NRG3: variants seen among roughly 807,000 people sequenced by gnomAD.
NRG3 encodes the protein pro-neuregulin-3, membrane-bound isoform.
In NRG3, 31 loss-of-function variants were observed where a neutral mutation model predicts 66.9. That is an observed-to-expected ratio of 0.46 (90% CI 0.35 to 0.63). The LOEUF is 0.63. NRG3 is among the 20% of genes least tolerant of loss of function. The pLI is 0.00. For missense variants in NRG3, 910 were observed against 878.9 expected, an observed-to-expected ratio of 1.04 and a Z score of -0.45; for synonymous variants, 393 against 359.4, an observed-to-expected ratio of 1.09 and a Z score of -1.06.
At chr10:82,402,531 G>C (rs551223370) in intron 2 of NRG3, among the ~76,000 whole-genome samples, 1 of 152,100 alleles carries the variant, frequency 6.6e-6, no homozygotes, top group East Asian at 1.9e-4. Flanking sequence ...CAGATGGTAC[G>C]ACTTTAGAAC....
chr10:82,187,518 C>T (rs915140226), intron 1 of NRG3, among the ~76,000 whole-genome samples: 4 of 151,980 alleles, frequency 2.6e-5, no homozygotes, highest in African/African-American at 9.7e-5. Context: ...ATTATTTGTT[C>T]TTTGAGGGAG....
chr10:82,373,449 C>T (rs1293064286), intron 2 of NRG3, among the ~76,000 whole-genome samples: 2 of 152,196 alleles, frequency 1.3e-5, no homozygotes, highest in Non-Finnish European at 2.9e-5. Flanking sequence ...CCTGGCCTCC[C>T]TGGAGTCCTC....
intron 2 of NRG3, among the ~76,000 whole-genome samples, chr10:82,393,981 C>T (rs2086557537): frequency 6.6e-6 from 1 of 152,048 alleles, no homozygotes; most frequent in Non-Finnish European, 1.5e-5. Context: ...TTCCAATATC[C>T]TATGTATAAT....
chr10:82,223,645 AC>A (rs1564681044), intron 1 of NRG3, among the ~76,000 whole-genome samples: 54 of 38,898 alleles, frequency 1.4e-3, no homozygotes, highest in African/African-American at 2.7e-3. Flanking sequence ...CACCCCAAAC[AC>A]ACACACACAC....
chr10:82,894,264 G>A (rs1296158779), intron 4 of NRG3, among the ~76,000 whole-genome samples: 1 of 152,046 alleles, frequency 6.6e-6, no homozygotes, highest in Non-Finnish European at 1.5e-5. Context: ...TGTACTAGGT[G>A]TAAATCACCA....
At chr10:82,431,886 G>C (rs955417889) in intron 2 of NRG3, among the ~76,000 whole-genome samples, 1 of 152,052 alleles carries the variant, frequency 6.6e-6, no homozygotes, top group African/African-American at 2.4e-5. Flanking sequence ...AAAGAAATGG[G>C]CATTCCTCCA....
At chr10:82,194,400 T>C (rs1589272795) in intron 1 of NRG3, among the ~76,000 whole-genome samples, 1 of 151,856 alleles carries the variant, frequency 6.6e-6, no homozygotes, top group Non-Finnish European at 1.5e-5. Context: ...AGGTGGGAGG[T>C]GGAGTGCTTT....
intron 2 of NRG3, among the ~76,000 whole-genome samples, chr10:82,668,601 G>A (rs2052991082): frequency 1.3e-5 from 2 of 152,074 alleles, no homozygotes; most frequent in Admixed American, 1.3e-4. Context: ...ATTAGGAATG[G>A]CCAGAGCAAA....
chr10:82,858,882 G>A (rs1591749758), intron 3 of NRG3, among the ~76,000 whole-genome samples: 1 of 151,986 alleles, frequency 6.6e-6, no homozygotes, highest in East Asian at 1.9e-4. Context: ...ACATACCTAG[G>A]AGGGAATTGG....
In NRG3 at chr10:82,854,190, A is replaced by G. The variant is rs1369210287; in HGVS notation, c.1028-11221A>G. 3.3e-5 allele frequency among the ~76,000 whole-genome samples: 5 copies of G among 152,340 alleles called. No individual in the cohort carries two copies. In the South Asian group the frequency reaches 8.3e-4, roughly 25 times the overall value. ...CCAAGGCATAATAATTCTACATGCTAAATGGAGATCCCATCATCATTCATA... is the reference window on the plus strand; with the variant it reads ...CCAAGGCATAATAATTCTACATGCTGAATGGAGATCCCATCATCATTCATA... On this transcript the variant is annotated intron_variant, in intron 3 of 8. Transcript: ENST00000372141.
intron 8 of NRG3, among the ~76,000 whole-genome samples, chr10:82,984,271 G>A (rs2132697508): frequency 6.6e-6 from 1 of 152,308 alleles, no homozygotes; most frequent in South Asian, 2.1e-4. Flanking sequence ...AGGCAAGAAG[G>A]GAACTTAGAA....
intron 1 of NRG3, among the ~76,000 whole-genome samples, chr10:82,050,767 C>T (rs2063553923): frequency 6.6e-6 from 1 of 151,954 alleles, no homozygotes; most frequent in Non-Finnish European, 1.5e-5. Flanking sequence ...CTCCTCCCAT[C>T]TCTACCCCTT....
At chr10:82,976,103 T>C (rs1852225755) in intron 7 of NRG3, among the ~76,000 whole-genome samples, 1 of 152,188 alleles carries the variant, frequency 6.6e-6, no homozygotes. Flanking sequence ...TCACCCAGGC[T>C]GGAGTGCAGT....
At chr10:82,483,847 A>G (rs1842476028) in intron 2 of NRG3, among the ~76,000 whole-genome samples, 1 of 152,192 alleles carries the variant, frequency 6.6e-6, no homozygotes, top group Non-Finnish European at 1.5e-5. Context: ...GGCACAAACA[A>G]GGGTTTGGAA....
chr10:82,967,503 C>G (rs1851319241), intron 6 of NRG3, among the ~76,000 whole-genome samples: 1 of 152,140 alleles, frequency 6.6e-6, no homozygotes. Flanking sequence ...TATACCATAC[C>G]TTTGCACTGT....
chr10:82,454,186 T>C (rs957348088), intron 2 of NRG3, among the ~76,000 whole-genome samples: 1 of 152,210 alleles, frequency 6.6e-6, no homozygotes, highest in Non-Finnish European at 1.5e-5. Flanking sequence ...TTCCTCACAG[T>C]GCTAGTGGAG....
At chr10:81,934,245 C>G (rs1884360) in intron 1 of NRG3, among the ~76,000 whole-genome samples, 77,792 of 152,038 alleles carry the variant, frequency 0.51, 24,537 homozygotes, top group African/African-American at 0.86. Context: ...ATGAAATCTT[C>G]AGTCAACATT....
intron 4 of NRG3, among the ~76,000 whole-genome samples, chr10:82,939,564 G>A (rs1269057277): frequency 2.6e-5 from 4 of 151,832 alleles, no homozygotes; most frequent in South Asian, 4.2e-4. Context: ...CCGCCTCCCG[G>A]GTTCACGCCT....
chr10:82,139,466 T>C (rs945539314), intron 1 of NRG3, among the ~76,000 whole-genome samples: 4 of 152,202 alleles, frequency 2.6e-5, no homozygotes, highest in Non-Finnish European at 5.9e-5. Flanking sequence ...ATTAGAATGC[T>C]AAGACTGTGG....
Sources: allele counts gnomAD v4.1 joint callset (sites outside exome capture counted in the v4.1 genomes callset), GRCh38; gene constraint gnomAD v4.1.1; transcripts MANE v1.5; gene names NCBI Gene and HGNC (gene_info 2026-07-23, HGNC 2026-07-21).